The following CPLANE1 variants were observed in gnomAD, a reference collection of about 807,000 sequenced individuals.
CPLANE1 encodes ciliogenesis and planar polarity effector 1.
A neutral mutation model predicts 362.5 loss-of-function variants in CPLANE1; 263 were observed. The ratio of observed to expected loss-of-function variants is 0.73; its 90% CI spans 0.66 to 0.80. The LOEUF is 0.80. Ranked by LOEUF, CPLANE1 falls within the 30% of genes least tolerant of loss-of-function variation. CPLANE1 has a pLI of 0.00. For missense variants in CPLANE1, 3,461 were observed against 3,793.4 expected, an observed-to-expected ratio of 0.91 and a Z score of 2.30; for synonymous variants, 1,212 against 1,302.6, an observed-to-expected ratio of 0.93 and a Z score of 1.50.
At chr5:37,111,068 A>C (rs1579768477) in intron 51 of CPLANE1, among the ~76,000 whole-genome samples, 1 of 150,918 alleles carries the variant, frequency 6.6e-6, no homozygotes, top group East Asian at 2.0e-4. Context: ...CAGCCTCCCA[A>C]AGTGCTGGGA....
At chr5:37,207,806 CA>C (rs1268819345) in intron 16 of CPLANE1, among the ~76,000 whole-genome samples, 1 of 152,198 alleles carries the variant, frequency 6.6e-6, no homozygotes, top group Non-Finnish European at 1.5e-5. Flanking sequence ...AGCCCTCCAA[CA>C]GCTTCCCATG....
chr5:37,202,744 C>A (rs1789556947), intron 18 of CPLANE1, among the ~76,000 whole-genome samples: 1 of 152,154 alleles, frequency 6.6e-6, no homozygotes, highest in Middle Eastern at 3.4e-3. Context: ...GACTTCTCAT[C>A]CTTGTCTGAT....
chr5:37,157,825 T>A lies in CPLANE1; in HGVS notation c.7856A>T (p.Asp2619Val). ...YINVIDIEAN[D>V]LLQELPVREE... ...TCTCACAGGTAATTCCTGTAGAAGATCATTAGCTTCAATGTCAATCACATT... is the reference window on the plus strand; with the variant it reads ...TCTCACAGGTAATTCCTGTAGAAGAACATTAGCTTCAATGTCAATCACATT... The change falls in exon 40 of 53, where the codon GAT becomes GTT. Residue 2619 changes from aspartate (D) to valine (V), a missense_variant. Transcript: ENST00000651892. 2 of 1,608,592 alleles carry A rather than the reference T, an allele frequency of 1.2e-6. No homozygotes were observed. The highest frequency in any genetic ancestry group is 1.7e-6 in the Non-Finnish European group (2 of 1,178,612).
rs568556989 is a variant in CPLANE1 at position 37,232,227 on chromosome 5, A to G, written c.939-1178T>C. 2.6e-5 allele frequency among the ~76,000 whole-genome samples: 4 copies of G among 152,276 alleles called. No homozygotes were observed. The East Asian group carries it at 7.7e-4, about 29-fold the overall frequency. On this transcript the variant is annotated intron_variant, in intron 8 of 52. Coordinates refer to ENST00000651892, the MANE Select transcript of CPLANE1 (RefSeq NM_001384732.1). ...ACATATGTAGGGACTTGTTTAAAAA[A>G]CTAGGCTTGGCCAGGCACGGTGGCA...
chr5:37,173,621 A>G, intron 32 of CPLANE1, 134 bp downstream of exon 32: 3 of 779,834 alleles, frequency 3.8e-6, no homozygotes, highest in Non-Finnish European at 6.0e-6. Context: ...AAACATTTGA[A>G]TGAAAAGTAC....
Position 37,201,795 on chromosome 5 carries a change from C to T in CPLANE1, c.3303G>A (p.Glu1101=). ...KYKQFTDPIE[E]EDANLLFGSV... ...AACCAAATAGCAGATTTGCATCTTC[C>T]TCTTCAATGGGATCTATCAAATACA... The change falls in exon 19 of 53, where the codon GAG becomes GAA. Residue 1101 remains glutamate, a synonymous_variant. Transcript: ENST00000651892. 6.2e-7 allele frequency: 1 copy of T among 1,611,008 alleles called. No individual in the cohort carries two copies. Among genetic ancestry groups the T allele is most frequent in the South Asian group, 1.1e-5 (1 of 90,782 alleles).
intron 51 of CPLANE1, 118 bp downstream of exon 51, chr5:37,114,842 T>G (rs889537946): frequency 3.3e-6 from 2 of 609,022 alleles, no homozygotes; most frequent in Non-Finnish European, 5.7e-6. Flanking sequence ...GAGGTTACAG[T>G]GAGCCGACAT....
chr5:37,227,253 G>A lies in CPLANE1; in HGVS notation c.1511C>T (p.Ala504Val). 1 of 1,551,024 alleles carries A rather than the reference G, an allele frequency of 6.4e-7. No individual in the cohort carries two copies. The highest frequency in any genetic ancestry group is 2.4e-5 in the East Asian group (1 of 40,864). Residue 504 changes from alanine to valine, a missense_variant, in exon 11 of 53, where the codon GCA (alanine) becomes GTA (valine). Coordinates refer to ENST00000651892, the MANE Select transcript of CPLANE1 (RefSeq NM_001384732.1). The part of the protein sequence containing the change: ...QAEETINENA[A>V]DFQDFEAEET... ...TCTGCTGCTAAGTACCTGAAAATCT[G>A]CTGCATTTTCATTTATTGTTTCTTC...
chr5:37,205,702 T>C (rs1447522804), intron 17 of CPLANE1, among the ~76,000 whole-genome samples: 3 of 152,180 alleles, frequency 2.0e-5, no homozygotes, highest in Non-Finnish European at 2.9e-5. Context: ...AACACATAAG[T>C]GTGCTAAATA....
intron 29 of CPLANE1, among the ~76,000 whole-genome samples, chr5:37,178,368 C>T (rs1286483275): frequency 6.6e-6 from 1 of 151,776 alleles, no homozygotes; most frequent in Non-Finnish European, 1.5e-5. Flanking sequence ...GTAATTTCAG[C>T]ACTTTGAGAG....
chr5:37,213,605 C>A lies in CPLANE1; in HGVS notation c.2874G>T (p.Leu958Phe). ...GAAGAACATTCACATGATGAGGGGG[C>A]AAAATGCAAAGCTGCTGATTGGTGA... is the stretch of plus-strand genomic sequence containing the variant. Reference protein sequence around the residue: ...AYFTNQQLCILPPHHVNVLPP... With the variant: ...AYFTNQQLCIFPPHHVNVLPP... Residue 958 changes from leucine (L) to phenylalanine (F), a missense_variant, in exon 16 of 53, where the codon TTG (leucine) becomes TTT (phenylalanine). By Grantham distance (22) the Leu-to-Phe change is conservative. Around this residue, in one of 2 missense-constraint regions of CPLANE1, gnomAD observed 3,380 missense variants for 3,666.1 expected, o/e 0.92. Coordinates refer to ENST00000651892, the MANE Select transcript of CPLANE1 (RefSeq NM_001384732.1). 1 of 1,546,076 alleles carries A rather than the reference C, an allele frequency of 6.5e-7. No individual in the cohort carries two copies. Among genetic ancestry groups the A allele is most frequent in the Non-Finnish European group, 8.7e-7 (1 of 1,143,606 alleles).
Position 37,148,234 on chromosome 5 carries a change from C to A in CPLANE1, c.8408G>T (p.Gly2803Val). 7 of 1,611,722 alleles carry A rather than the reference C, an allele frequency of 4.3e-6. No homozygotes were observed. The highest frequency in any genetic ancestry group is 1.1e-5 in the South Asian group (1 of 90,572). ...AGCTAATGTTTTTTTGAATTCAGGG[C>A]CAGAAGAGAATTCAATGTGATCCAC... ...GPVDHIEFSS[G>V]PEFKKTLASK... The change falls in exon 43 of 53, where the codon GGC (glycine) becomes GTC (valine). Residue 2803 changes from glycine to valine, a missense_variant. By Grantham distance (109) the Gly-to-Val change is moderately radical (BLOSUM62 -3). Transcript: ENST00000651892.
At chr5:37,171,526 A>C (rs1289345730) in intron 32 of CPLANE1, among the ~76,000 whole-genome samples, 1 of 152,224 alleles carries the variant, frequency 6.6e-6, no homozygotes, top group Non-Finnish European at 1.5e-5. Context: ...TAAAGACTTC[A>C]AAGTGAAGTT....
At chr5:37,169,888 G>A (rs538303241) in intron 33 of CPLANE1, among the ~76,000 whole-genome samples, 153 bp downstream of exon 33, 10 of 152,040 alleles carry the variant, frequency 6.6e-5, no homozygotes, top group East Asian at 5.8e-4. Flanking sequence ...CACCACACCC[G>A]GCTGACTTTT....
Position 37,186,346 on chromosome 5 carries a change from C to A in CPLANE1, c.4129G>T (p.Val1377Phe), listed in dbSNP as rs889635214. The A allele has an allele frequency of 2.5e-6, 4 of 1,606,864 alleles. No homozygotes were observed. Among genetic ancestry groups the A allele is most frequent in the Non-Finnish European group, 3.4e-6 (4 of 1,173,782 alleles). The change falls in exon 24 of 53, where the codon GTT becomes TTT. Residue 1377 changes from valine (V) to phenylalanine (F), a missense_variant. Val to Phe is a conservative substitution (Grantham distance 50). Coordinates refer to ENST00000651892, the MANE Select transcript of CPLANE1 (RefSeq NM_001384732.1). ...KAFPYPEDVR[V>F]PLRDKYHSLH... ...GAGTGATATTTGTCTCTTAAAGGAA[C>A]CCTCACGTCCTCAGGATAGGGAAAT...
At chr5:37,100,470 G>A in the CPLANE1 span, among the ~76,000 whole-genome samples, 1 of 152,000 alleles carries the variant, frequency 6.6e-6, no homozygotes, top group African/African-American at 2.4e-5. Flanking sequence ...TGGTCTATGT[G>A]TCTGTTTCTG....
chr5:37,151,788 C>G, intron 42 of CPLANE1, among the ~76,000 whole-genome samples: 1 of 152,034 alleles, frequency 6.6e-6, no homozygotes, highest in Non-Finnish European at 1.5e-5. Flanking sequence ...GTGGCTCACA[C>G]CTGTAATCCC....
chr5:37,147,016 T>C (rs1250044902), intron 43 of CPLANE1, among the ~76,000 whole-genome samples: 1 of 152,214 alleles, frequency 6.6e-6, no homozygotes, highest in Non-Finnish European at 1.5e-5. Context: ...TTAAGATGAA[T>C]GTAACAGATT....
chr5:37,112,956 A>C (rs1038773912), intron 51 of CPLANE1, among the ~76,000 whole-genome samples: 3 of 152,204 alleles, frequency 2.0e-5, no homozygotes, highest in African/African-American at 7.2e-5. Context: ...GGTACATGTA[A>C]TTTCAACTGT....
Sources: allele counts gnomAD v4.1 joint callset (sites outside exome capture counted in the v4.1 genomes callset), GRCh38; gene constraint gnomAD v4.1.1; regional missense constraint gnomAD v4.1.1; transcripts MANE v1.5; gene names NCBI Gene and HGNC (gene_info 2026-07-23, HGNC 2026-07-21).